The following HS3ST3A1 variants were observed in gnomAD, a reference collection of about 807,000 sequenced individuals.
HS3ST3A1 encodes heparan sulfate glucosamine 3-O-sulfotransferase 3A1.
HS3ST3A1 carries 19 observed loss-of-function variants against 25.7 expected under a neutral mutation model. That is an observed-to-expected ratio of 0.74 (90% CI 0.52 to 1.08). The LOEUF (loss-of-function observed/expected upper bound fraction) is 1.08. Ranked by LOEUF, HS3ST3A1 falls within the 50% of genes least tolerant of loss-of-function variation. HS3ST3A1 has a pLI of 0.00. For synonymous variants in HS3ST3A1, 226 were observed against 278.6 expected (o/e 0.81, Z 1.88); for missense variants, 459 against 594.3 (o/e 0.77, Z 2.37).
At chr17:13,536,568 T>C (rs1906777093) in intron 1 of HS3ST3A1, among the ~76,000 whole-genome samples, 1 of 152,174 alleles carries the variant, frequency 6.6e-6, no homozygotes, top group Admixed American at 6.5e-5. Context: ...ACAGAGAAGA[T>C]CCAACCTCAC....
intron 1 of HS3ST3A1, among the ~76,000 whole-genome samples, chr17:13,519,284 C>T (rs1008798965): frequency 1.3e-5 from 2 of 152,188 alleles, no homozygotes; most frequent in African/African-American, 2.4e-5. Context: ...ACAGAACTAA[C>T]GTTCTAAAAA....
rs1305144601 is a variant in HS3ST3A1, at chr17:13,496,246, T to C, written c.1172A>G (p.Asn391Ser). ...RRLREFYRPF[N>S]LKFYQMTGHD... is the part of the protein sequence containing the mutation. ...CCCGGTCATCTGGTAGAACTTGAGG[T>C]TGAAAGGCCGGTAGAACTCGCGCAG... The change falls in exon 2 of 2, where the codon AAC becomes AGC. Residue 391 changes from asparagine (N) to serine (S), a missense_variant. By Grantham distance (46) the Asn-to-Ser change is conservative (BLOSUM62 1). Around this residue, in one of 3 missense-constraint regions of HS3ST3A1, gnomAD observed 46 missense variants for 59.0 expected, o/e 0.78. Transcript: ENST00000284110. The C allele has an allele frequency of 2.5e-6, 4 of 1,600,862 alleles. No homozygotes were observed. Among genetic ancestry groups the C allele is most frequent in the Non-Finnish European group, 3.4e-6 (4 of 1,173,892 alleles).
At chr17:13,571,024 G>A (rs1000662012) in intron 1 of HS3ST3A1, among the ~76,000 whole-genome samples, 2 of 152,120 alleles carry the variant, frequency 1.3e-5, no homozygotes, top group African/African-American at 4.8e-5. Context: ...GTCTTCTTAG[G>A]TGTCCGTAAA....
chr17:13,507,975 G>A (rs948732774), intron 1 of HS3ST3A1, among the ~76,000 whole-genome samples: 6 of 152,160 alleles, frequency 3.9e-5, no homozygotes, highest in Admixed American at 2.6e-4. Flanking sequence ...CTCTGAAAAC[G>A]TGACTTATAA....
intron 1 of HS3ST3A1, among the ~76,000 whole-genome samples, chr17:13,549,320 G>A (rs1047039569): frequency 6.6e-6 from 1 of 152,126 alleles, no homozygotes; most frequent in Non-Finnish European, 1.5e-5. Flanking sequence ...AACAAACTCT[G>A]GACACACCAT....
chr17:13,599,674 G>A (rs995802339), intron 1 of HS3ST3A1, among the ~76,000 whole-genome samples: 4 of 152,146 alleles, frequency 2.6e-5, no homozygotes, highest in African/African-American at 9.7e-5. Flanking sequence ...TATTAAAGGT[G>A]GTCTGAATTT....
In HS3ST3A1 at chr17:13,594,215, C is replaced by T. The variant is rs1043806758; in HGVS notation, c.599+6316G>A. Among the ~76,000 whole-genome samples, 7 of 152,130 alleles carry T rather than the reference C, an allele frequency of 4.6e-5. No individual in the cohort carries two copies. In the East Asian group the frequency reaches 1.2e-3, roughly 25 times the overall value. ...ATCTCAACACAACAGGGAATGCTAA[C>T]CTTGGTCACTTGGTTAAGGTGGTGT... On this transcript the variant is annotated intron_variant, in intron 1 of 1. Transcript: ENST00000284110.
At chr17:13,590,506 T>A (rs1273087629) in intron 1 of HS3ST3A1, among the ~76,000 whole-genome samples, 1 of 152,230 alleles carries the variant, frequency 6.6e-6, no homozygotes, top group African/African-American at 2.4e-5. Flanking sequence ...CAGCTTAACC[T>A]GGGCAAAGCA....
At chr17:13,508,900 C>T (rs755254856) in intron 1 of HS3ST3A1, among the ~76,000 whole-genome samples, 3 of 152,054 alleles carry the variant, frequency 2.0e-5, no homozygotes, top group Non-Finnish European at 2.9e-5. Context: ...TCTGGACTTC[C>T]GACATTCTTT....
At chr17:13,507,725 T>G (rs963986869) in intron 1 of HS3ST3A1, among the ~76,000 whole-genome samples, 1 of 152,238 alleles carries the variant, frequency 6.6e-6, no homozygotes, top group African/African-American at 2.4e-5. Context: ...GTACTTTTTT[T>G]AAGTCTATAC....
intron 1 of HS3ST3A1, among the ~76,000 whole-genome samples, chr17:13,526,474 TTATATATATATATATATATATATATATA>T (rs58701744): frequency 2.6e-5 from 2 of 76,280 alleles, no homozygotes. Flanking sequence ...ACTTTAATTT[TTATATATATATATATATATATATATATA>T]TATATATATA....
Position 13,601,082 on chromosome 17 carries a change from C to T in HS3ST3A1, c.48G>A (p.Pro16=), listed in dbSNP as rs199666924. 2 of 1,593,828 alleles carry T rather than the reference C, an allele frequency of 1.3e-6. No individual in the cohort carries two copies. Among genetic ancestry groups the T allele is most frequent in the East Asian group, 2.3e-5 (1 of 43,038 alleles). The change falls in exon 1 of 2, where the codon CCG becomes CCA. Residue 16 remains proline (P), a synonymous_variant. Transcript: ENST00000284110. ...ACTTCCGGAAGATGCTGCGGGACAG[C>T]GGCTCGGCCGAGGTGGAGAGGGCAC... ...PASALSTSAE[P]LSRSIFRKFL...
chr17:13,522,555 A>G (rs1411576793), intron 1 of HS3ST3A1, among the ~76,000 whole-genome samples: 1 of 152,168 alleles, frequency 6.6e-6, no homozygotes, highest in Non-Finnish European at 1.5e-5. Flanking sequence ...ATAGCAAAAT[A>G]TGTGCAAAGC....
intron 1 of HS3ST3A1, among the ~76,000 whole-genome samples, chr17:13,504,087 G>A (rs1323804867): frequency 3.9e-5 from 6 of 152,124 alleles, no homozygotes; most frequent in Non-Finnish European, 5.9e-5. Context: ...GGCCGCAGTG[G>A]GTGGATCATG....
intron 1 of HS3ST3A1, among the ~76,000 whole-genome samples, chr17:13,565,973 G>A (rs923487968): frequency 8.6e-5 from 13 of 152,038 alleles, no homozygotes; most frequent in African/African-American, 3.1e-4. Flanking sequence ...TCTTTTCATT[G>A]TTAACGTTTT....
chr17:13,518,935 TA>T (rs2142315752), intron 1 of HS3ST3A1, among the ~76,000 whole-genome samples: 1 of 152,340 alleles, frequency 6.6e-6, no homozygotes, highest in South Asian at 2.1e-4. Context: ...AAATAACTGT[TA>T]TTGTATGTCT....
Position 13,496,283 on chromosome 17 carries a change from C to G in HS3ST3A1, c.1135G>C (p.Val379Leu). Reference protein sequence around the residue: ...GRTHPEIDREVVRRLREFYRP... With the variant: ...GRTHPEIDRELVRRLREFYRP... Reference sequence around the variant, plus strand: ...TAGAACTCGCGCAGCCTGCGCACCACCTCGCGGTCGATCTCAGGATGGGTC... The same window carrying G: ...TAGAACTCGCGCAGCCTGCGCACCAGCTCGCGGTCGATCTCAGGATGGGTC... Residue 379 changes from valine (V) to leucine (L), a missense_variant, in exon 2 of 2, where the codon GTG (valine) becomes CTG (leucine). Val to Leu is a conservative substitution (Grantham distance 32, BLOSUM62 1). Coordinates refer to ENST00000284110, the MANE Select transcript of HS3ST3A1 (RefSeq NM_006042.3). 1 of 1,545,928 alleles carries G rather than the reference C, an allele frequency of 6.5e-7. No individual in the cohort carries two copies.
intron 1 of HS3ST3A1, among the ~76,000 whole-genome samples, chr17:13,548,824 A>G (rs558643356): frequency 4.6e-5 from 7 of 152,062 alleles, no homozygotes; most frequent in Non-Finnish European, 8.8e-5. Flanking sequence ...AAATGCACCA[A>G]TCAGCGCTCT....
At chr17:13,551,304 G>T (rs967921200) in intron 1 of HS3ST3A1, among the ~76,000 whole-genome samples, 2 of 150,920 alleles carry the variant, frequency 1.3e-5, no homozygotes, top group Non-Finnish European at 2.9e-5. Flanking sequence ...AGCTGAGATC[G>T]GGCCACTGCA....
Sources: allele counts gnomAD v4.1 joint callset (sites outside exome capture counted in the v4.1 genomes callset), GRCh38; gene constraint gnomAD v4.1.1; regional missense constraint gnomAD v4.1.1; transcripts MANE v1.5; gene names NCBI Gene and HGNC (gene_info 2026-07-23, HGNC 2026-07-21).